NTRK1: variants seen among roughly 807,000 people sequenced by gnomAD.
NTRK1 encodes the protein high affinity nerve growth factor receptor.
In NTRK1, 62 loss-of-function variants were observed where a neutral mutation model predicts 86.8. The ratio of observed to expected loss-of-function variants is 0.71; its 90% CI spans 0.58 to 0.88. The LOEUF is 0.88. NTRK1 is among the 40% of genes least tolerant of loss of function. The pLI, the probability that NTRK1 is intolerant of heterozygous loss-of-function variation, is 0.00. For missense variants in NTRK1, 967 were observed against 1,078.4 expected, an observed-to-expected ratio of 0.90 and a Z score of 1.45; for synonymous variants, 469 against 456.6, an observed-to-expected ratio of 1.03 and a Z score of -0.35.
intron 1 of NTRK1, chr1:156,841,933 C>G: frequency 1.3e-6 from 2 of 1,554,046 alleles, no homozygotes; most frequent in Non-Finnish European, 1.8e-6. Context: ...CAATGGACCT[C>G]AGAACTCATC....
rs536346142 is a variant in NTRK1, at chr1:156,840,887, C to A, written c.-63-1194C>A. 174 of 1,613,248 alleles carry A rather than the reference C, an allele frequency of 1.1e-4. No individual in the cohort carries two copies. The highest frequency in any genetic ancestry group is 8.4e-4 in the Middle Eastern group (5 of 5,986). ...TGAGGTGCCCCTCAGTGCCCTGGAC[C>A]CCCATTTTGAGGGCTGCAGTCTCTT... On this transcript the variant is annotated intron_variant, in intron 1 of 16. Transcript: ENST00000392302.
chr1:156,819,907 C>T (rs57925566), intron 1 of NTRK1, among the ~76,000 whole-genome samples: 2 of 152,178 alleles, frequency 1.3e-5, no homozygotes, highest in Admixed American at 1.3e-4. Flanking sequence ...AATGTTTTCT[C>T]CCACTCTGTG....
intron 11 of NTRK1, among the ~76,000 whole-genome samples, 154 bp from the exon 12 acceptor site, chr1:156,875,366 G>C (rs1647836304): frequency 6.6e-6 from 1 of 152,054 alleles, no homozygotes; most frequent in African/African-American, 2.4e-5. Flanking sequence ...AGAGGCGGTG[G>C]TGCCCCCTTC....
chr1:156,852,056 C>A lies in NTRK1; in HGVS notation c.50+9863C>A, dbSNP rs757202111. The A allele has an allele frequency of 4.3e-5, 70 of 1,613,496 alleles. No individual in the cohort carries two copies. The Admixed American group carries it at 4.5e-4, about 10-fold the overall frequency. On this transcript the variant is annotated intron_variant, in intron 2 of 16. Coordinates refer to the NTRK1 transcript ENST00000392302. ...GGTGCCTGGCGGGCAGGCCCACAGG[C>A]AGGCACCCTGGAAGTAGAGGTGGCG...
intron 2 of NTRK1, chr1:156,845,621 G>A (rs1234997363): frequency 6.2e-7 from 1 of 1,601,750 alleles, no homozygotes; most frequent in Non-Finnish European, 8.5e-7. Flanking sequence ...CTTCGCACAT[G>A]GGGATGGTGA....
intron 2 of NTRK1, chr1:156,842,393 CCTACCT>C: frequency 6.2e-7 from 1 of 1,613,644 alleles, no homozygotes; most frequent in Non-Finnish European, 8.5e-7. Context: ...CTTCCTGGTC[CCTACCT>C]CTGCCTCAGG....
chr1:156,864,038 G>A (rs1033223230), intron 1 of NTRK1, among the ~76,000 whole-genome samples: 1 of 152,150 alleles, frequency 6.6e-6, no homozygotes, highest in East Asian at 1.9e-4. Context: ...CTGTGTGTGC[G>A]CATGTGCATA....
Position 156,864,719 on chromosome 1 carries a change from C to A in NTRK1, c.288-9C>A. On this transcript the variant is annotated splice_polypyrimidine_tract_variant and intron_variant, in intron 2 of 16. Transcript: ENST00000524377. The stretch of plus-strand genomic sequence containing the variant: ...ACCTGGGGACTGATCCTCCTGCACC[C>A]CTCCCCAGCACCATCGTGAAGAGTG... 6.2e-7 allele frequency: 1 copy of A among 1,613,856 alleles called. No homozygotes were observed. Among genetic ancestry groups the A allele is most frequent in the Non-Finnish European group, 8.5e-7 (1 of 1,179,864 alleles).
At position 156,864,734 on chromosome 1, in the gene NTRK1, C is replaced by T. The variant is rs1457644303; in HGVS notation, c.294C>T (p.Ile98=). The change falls in exon 3 of 17, where the codon ATC becomes ATT. Residue 98 remains isoleucine, a synonymous_variant. Coordinates refer to ENST00000524377, the MANE Select transcript of NTRK1 (RefSeq NM_002529.4). ...CTCCTGCACCCCTCCCCAGCACCATCGTGAAGAGTGGTCTCCGTTTCGTGG... is the reference window on the plus strand; with the variant it reads ...CTCCTGCACCCCTCCCCAGCACCATTGTGAAGAGTGGTCTCCGTTTCGTGG... The part of the protein sequence containing the change: ...RGLGELRNLT[I]VKSGLRFVAP... The T allele has an allele frequency of 3.7e-6, 6 of 1,614,066 alleles. No homozygotes were observed. Among genetic ancestry groups the T allele is most frequent in the South Asian group, 1.1e-5 (1 of 91,046 alleles).
chr1:156,849,181 C>A, intron 2 of NTRK1: 2 of 1,604,010 alleles, frequency 1.2e-6, no homozygotes, highest in South Asian at 2.2e-5. Context: ...AGCTTTCTCC[C>A]TCCCCCGGGT....
Position 156,881,678 on chromosome 1 carries a change from A to G in NTRK1, c.*36A>G. ...CAGGGGCTGGGAGTGGTTAGCCGGAATACTGGGGCCTGCCCTCAGCATCCC... is the reference window on the plus strand; with the variant it reads ...CAGGGGCTGGGAGTGGTTAGCCGGAGTACTGGGGCCTGCCCTCAGCATCCC... On this transcript the variant is annotated 3_prime_UTR_variant, in exon 17 of 17. Transcript: ENST00000524377. 1 of 1,571,188 alleles carries G rather than the reference A, an allele frequency of 6.4e-7. No homozygotes were observed. The highest frequency in any genetic ancestry group is 8.6e-7 in the Non-Finnish European group (1 of 1,157,630).
At chr1:156,818,508 T>C (rs1654087765) in intron 1 of NTRK1, among the ~76,000 whole-genome samples, 1 of 152,188 alleles carries the variant, frequency 6.6e-6, no homozygotes, top group Non-Finnish European at 1.5e-5. Context: ...CCAAATTCCC[T>C]TATATCACTC....
In NTRK1 at chr1:156,875,590, C is replaced by T. The variant is rs777693339; in HGVS notation, c.1425C>T (p.Ser475=). 9 of 1,613,770 alleles carry T rather than the reference C, an allele frequency of 5.6e-6. No homozygotes were observed. In the African/African-American group the frequency reaches 1.1e-4, roughly 19 times the overall value. Residue 475 remains serine (S), a synonymous_variant, in exon 12 of 17, where the codon TCC becomes TCT. Coordinates refer to ENST00000524377, the MANE Select transcript of NTRK1 (RefSeq NM_002529.4). ...SLHFMTLGGS[S]LSPTEGKGSG... ...ATTTCATGACATTGGGTGGCAGCTC[C>T]CTGTCCCCCACCGAGGGCAAAGGCT...
chr1:156,822,337 C>T (rs781044303), intron 1 of NTRK1, among the ~76,000 whole-genome samples: 24 of 152,096 alleles, frequency 1.6e-4, no homozygotes, highest in Admixed American at 8.5e-4. Context: ...GTTTTTCTCT[C>T]GATTGAAGCC....
At chr1:156,869,184 A>T (rs1647397529) in intron 6 of NTRK1, among the ~76,000 whole-genome samples, 1 of 151,816 alleles carries the variant, frequency 6.6e-6, no homozygotes, top group African/African-American at 2.4e-5. Flanking sequence ...CGATTCTGCG[A>T]TTCTCCTGCC....
At position 156,848,067 on chromosome 1, in the gene NTRK1, G is replaced by T. The variant is rs181213890; in HGVS notation, c.50+5874G>T. 1.2e-3 allele frequency among the ~76,000 whole-genome samples: 182 copies of T among 152,200 alleles called. 1 individual carries two copies. The highest frequency in any genetic ancestry group is 0.012 in the Admixed American group (179 of 15,288). On this transcript the variant is annotated intron_variant, in intron 2 of 16. Transcript: ENST00000392302. ...CAGGATTAACTGAATCAGAATCAGTGGGGGGCGAGGCCCAGGAATCTGTAT... is the reference window on the plus strand; with the variant it reads ...CAGGATTAACTGAATCAGAATCAGTTGGGGGCGAGGCCCAGGAATCTGTAT...
At chr1:156,841,246 T>G in intron 1 of NTRK1, 1 of 952,596 alleles carries the variant, frequency 1.0e-6, no homozygotes, top group Non-Finnish European at 1.6e-6. Context: ...AATGGGAGTC[T>G]TGGGGGTTTG....
rs1359380148 is a variant in NTRK1 at position 156,825,985 on chromosome 1, A to G, written c.-64+10147A>G. Among the ~76,000 whole-genome samples, 3 of 152,182 alleles carry G rather than the reference A, an allele frequency of 2.0e-5. 1 individual carries two copies. Among genetic ancestry groups the G allele is most frequent in the Admixed American group, 2.0e-4 (3 of 15,278 alleles). On this transcript the variant is annotated intron_variant, in intron 1 of 16. Transcript: ENST00000392302. ...AGGGCCACACAGAAAGGAAGTGGGGATTAGAACCAGATGGTCTGGTTTCAG... is the reference window on the plus strand; with the variant it reads ...AGGGCCACACAGAAAGGAAGTGGGGGTTAGAACCAGATGGTCTGGTTTCAG...
intron 1 of NTRK1, among the ~76,000 whole-genome samples, chr1:156,823,204 G>T (rs1038180028): frequency 1.3e-5 from 2 of 152,182 alleles, no homozygotes; most frequent in African/African-American, 2.4e-5. Context: ...TCTGATTCCA[G>T]TCCTTGATAT....
Sources: gnomAD v4.1 joint callset for allele counts (sites outside exome capture counted in the v4.1 genomes callset) on GRCh38, gnomAD v4.1.1 for gene constraint, MANE v1.5 for transcripts, NCBI Gene and HGNC (gene_info 2026-07-23, HGNC 2026-07-21) for gene names.